The following ACSM6 variants were observed in gnomAD, a reference collection of about 807,000 sequenced individuals.
The protein encoded by ACSM6 is acyl-coenzyme A synthetase ACSM6, mitochondrial.
In ACSM6, 35 loss-of-function variants were observed where a neutral mutation model predicts 51.1. The ratio of observed to expected loss-of-function variants is 0.69; its 90% CI spans 0.52 to 0.91. The LOEUF is 0.91. Ranked by LOEUF, ACSM6 falls within the 40% of genes least tolerant of loss-of-function variation. ACSM6 has a pLI of 0.00. For synonymous variants in ACSM6, 172 were observed against 207.3 expected (o/e 0.83, Z 1.46); for missense variants, 509 against 584.1 (o/e 0.87, Z 1.32).
chr10:95,212,806 T>C (rs2034906332), intron 6 of ACSM6, 52 bp from the exon 7 acceptor site: 8 of 1,418,268 alleles, frequency 5.6e-6, no homozygotes, highest in Admixed American at 3.4e-5. Flanking sequence ...ACAGTCTCAC[T>C]GTCTCTCCCA....
intron 10 of ACSM6, among the ~76,000 whole-genome samples, chr10:95,227,402 T>C (rs1018278265): frequency 6.6e-6 from 1 of 152,268 alleles, no homozygotes; most frequent in African/African-American, 2.4e-5. Flanking sequence ...AAATATTTCT[T>C]CAATGAGTAT....
intron 5 of ACSM6, 143 bp from the exon 6 acceptor site, chr10:95,211,735 T>A: frequency 1.2e-6 from 1 of 842,254 alleles, no homozygotes; most frequent in South Asian, 2.1e-5. Context: ...ATTGGCCTCA[T>A]GACCTCATAA....
At chr10:95,201,481 A>T in intron 2 of ACSM6, 1 of 455,888 alleles carries the variant, frequency 2.2e-6, no homozygotes, top group South Asian at 1.6e-5. Context: ...TGCAAAAGAC[A>T]GGATTTCATT....
At chr10:95,223,066 C>G (rs1036914830) in intron 9 of ACSM6, among the ~76,000 whole-genome samples, 4 of 151,664 alleles carry the variant, frequency 2.6e-5, no homozygotes, top group African/African-American at 4.9e-5. Context: ...AGGACCCACA[C>G]AAAGGGGGAA....
chr10:95,198,749 A>G, intron 2 of ACSM6, among the ~76,000 whole-genome samples: 1 of 152,246 alleles, frequency 6.6e-6, no homozygotes, highest in East Asian at 1.9e-4. Flanking sequence ...GAAAATAAAA[A>G]TTAATGGCAG....
chr10:95,214,875 AGTGT>A lies in ACSM6; in HGVS notation c.1023_1026del (p.Cys341TrpfsTer11). On this transcript the variant is annotated frameshift_variant, in exon 8 of 11. Coordinates refer to ENST00000341686, the Ensembl canonical transcript of ACSM6. LOFTEE classifies it high-confidence loss of function. ...AGCTACAGATTCAAGAGTCTGAAGC[AGTGT>A]GTGGCTGCAGGAGGACCCATCAGCC... The A allele has an allele frequency of 1.9e-6, 3 of 1,551,592 alleles. No homozygotes were observed. Among genetic ancestry groups the A allele is most frequent in the Non-Finnish European group, 2.6e-6 (3 of 1,146,914 alleles).
intron 7 of ACSM6, among the ~76,000 whole-genome samples, chr10:95,214,400 T>G (rs2034923937): frequency 6.6e-6 from 1 of 152,254 alleles, no homozygotes. Context: ...GTTGGGGCGC[T>G]GTGGAAACTT....
At chr10:95,201,502 G>A (rs1460560693) in intron 2 of ACSM6, 3 of 455,792 alleles carry the variant, frequency 6.6e-6, no homozygotes, top group South Asian at 1.6e-5. Context: ...CTTTTCCATG[G>A]CTGAGTAATA....
At chr10:95,221,408 G>A (rs1441694804) in intron 9 of ACSM6, among the ~76,000 whole-genome samples, 2 of 152,070 alleles carry the variant, frequency 1.3e-5, no homozygotes, top group Admixed American at 6.6e-5. Context: ...CCAACATGGT[G>A]AAACCCCGTC....
chr10:95,199,287 T>C (rs1233770862), intron 2 of ACSM6, among the ~76,000 whole-genome samples: 1 of 152,174 alleles, frequency 6.6e-6, no homozygotes, highest in Non-Finnish European at 1.5e-5. Context: ...CTGGGAAAAC[T>C]GGCTAGCCAT....
At chr10:95,203,244 C>A (rs1225698652) in intron 3 of ACSM6, among the ~76,000 whole-genome samples, 3 of 152,172 alleles carry the variant, frequency 2.0e-5, no homozygotes, top group Admixed American at 2.0e-4. Flanking sequence ...CTGCCACTGT[C>A]TCCCATCACT....
chr10:95,222,513 C>T (rs2035003034), intron 9 of ACSM6, among the ~76,000 whole-genome samples: 1 of 151,908 alleles, frequency 6.6e-6, no homozygotes, highest in Non-Finnish European at 1.5e-5. Flanking sequence ...ATCCCAGCTA[C>T]TCAGGAGGCT....
At chr10:95,221,710 AC>A (rs1262363459) in intron 9 of ACSM6, among the ~76,000 whole-genome samples, 2 of 152,246 alleles carry the variant, frequency 1.3e-5, no homozygotes, top group African/African-American at 4.8e-5. Flanking sequence ...GTCAGAACAT[AC>A]CAATAACTAA....
At chr10:95,208,575 C>A (rs2034864908) in intron 4 of ACSM6, among the ~76,000 whole-genome samples, 1 of 152,052 alleles carries the variant, frequency 6.6e-6, no homozygotes, top group Non-Finnish European at 1.5e-5. Context: ...ACAGTAGTGC[C>A]CCCTTATCTG....
chr10:95,226,704 T>G (rs1716508536), intron 10 of ACSM6, among the ~76,000 whole-genome samples: 2 of 152,364 alleles, frequency 1.3e-5, no homozygotes, highest in South Asian at 4.1e-4. Context: ...GAGGCTTTCT[T>G]TTAACTACTT....
intron 2 of ACSM6, among the ~76,000 whole-genome samples, chr10:95,195,624 C>T (rs1021144201): frequency 3.9e-5 from 6 of 152,118 alleles, no homozygotes; most frequent in African/African-American, 9.7e-5. Context: ...GAATCCAGTG[C>T]GTGTGGAGAG....
chr10:95,225,191 A>T, intron 9 of ACSM6, 99 bp from the exon 10 acceptor site: 2 of 869,434 alleles, frequency 2.3e-6, no homozygotes, highest in South Asian at 1.7e-5. Context: ...CTGGCATCTT[A>T]AATGGGGGTA....
chr10:95,194,740 G>A (rs1296828670), intron 2 of ACSM6, 63 bp downstream of exon 2: 1 of 1,414,582 alleles, frequency 7.1e-7, no homozygotes, highest in African/African-American at 1.4e-5. Flanking sequence ...AGCGTCCAAA[G>A]ATCATGAGAT....
At chr10:95,210,553 T>A in intron 4 of ACSM6, 97 bp from the exon 5 acceptor site, 1 of 1,274,560 alleles carries the variant, frequency 7.8e-7, no homozygotes, top group Admixed American at 2.8e-5. Flanking sequence ...TACCAGCTGT[T>A]ATTTTTTAAA....
Sources: allele counts gnomAD v4.1 joint callset (sites outside exome capture counted in the v4.1 genomes callset), GRCh38; gene constraint gnomAD v4.1.1; transcripts MANE v1.5; gene names NCBI Gene and HGNC (gene_info 2026-07-23, HGNC 2026-07-21).